NRAP: variants seen among roughly 807,000 people sequenced by gnomAD.
NRAP encodes the protein nebulin related anchoring protein, also known as nebulin-related-anchoring protein.
A neutral mutation model predicts 225.9 loss-of-function variants in NRAP; 189 were observed. The ratio of observed to expected loss-of-function variants is 0.84; its 90% CI spans 0.74 to 0.94. The LOEUF (loss-of-function observed/expected upper bound fraction) is 0.94. NRAP is among the 40% of genes least tolerant of loss of function. The pLI is 0.00. For synonymous variants in NRAP, 769 were observed against 790.7 expected (o/e 0.97, Z 0.46); for missense variants, 2,176 against 2,168.7 (o/e 1.00, Z -0.07).
chr10:113,646,997 C>G lies in NRAP; in HGVS notation c.919G>C (p.Gly307Arg). Residue 307 changes from glycine to arginine, a missense_variant, in exon 10 of 42, where the codon GGA (glycine) becomes CGA (arginine). This residue lies in a region of NRAP where 1,708 missense variants were observed against 1,695.5 expected (regional missense o/e 1.01). Coordinates refer to ENST00000359988, the MANE Select transcript of NRAP (RefSeq NM_198060.4). ...GYPEEYEEHR[G>R]KGSFPAMITP... ...ATCATAGCTGGGAAGCTGCCCTTTCCCCTGTGCTCCTCATACTCCTCCGGG... is the reference window on the plus strand; with the variant it reads ...ATCATAGCTGGGAAGCTGCCCTTTCGCCTGTGCTCCTCATACTCCTCCGGG... 1 of 1,614,010 alleles carries G rather than the reference C, an allele frequency of 6.2e-7. No homozygotes were observed. Among genetic ancestry groups the G allele is most frequent in the Non-Finnish European group, 8.5e-7 (1 of 1,179,906 alleles).
intron 36 of NRAP, 61 bp downstream of exon 36, chr10:113,597,908 C>T (rs1426868193): frequency 3.2e-5 from 39 of 1,207,052 alleles, no homozygotes; most frequent in Non-Finnish European, 4.5e-5. Context: ...AACAGATTCC[C>T]TCTTCAAAAG....
intron 15 of NRAP, 67 bp downstream of exon 15, chr10:113,634,045 T>C: frequency 1.0e-6 from 1 of 960,158 alleles, no homozygotes; most frequent in Non-Finnish European, 1.7e-6. Flanking sequence ...GGAGGTCAGA[T>C]GTCCAGAGGC....
At position 113,608,406 on chromosome 10, in the gene NRAP, G is replaced by T. The variant is rs1847124216; in HGVS notation, c.3702+8C>A. ...AAAGACCATTCCAAAGCCATCAGGA[G>T]ATTTTACCTCATTCGTTATCTGGTT... is the stretch of plus-strand genomic sequence containing the variant. On this transcript the variant is annotated splice_region_variant and intron_variant, in intron 32 of 41. Transcript: ENST00000359988. The T allele has an allele frequency of 1.3e-6, 2 of 1,574,282 alleles. No individual in the cohort carries two copies. Among genetic ancestry groups the T allele is most frequent in the South Asian group, 1.1e-5 (1 of 89,746 alleles).
chr10:113,632,861 T>G (rs1848649258), intron 16 of NRAP, among the ~76,000 whole-genome samples: 2 of 152,212 alleles, frequency 1.3e-5, no homozygotes, highest in Non-Finnish European at 1.5e-5. Context: ...ACACATAGAT[T>G]GTACACATGC....
chr10:113,588,793 G>C lies in NRAP; in HGVS notation c.*182C>G. 1 of 603,018 alleles carries C rather than the reference G, an allele frequency of 1.7e-6. No individual in the cohort carries two copies. The highest frequency in any genetic ancestry group is 2.8e-5 in the East Asian group (1 of 36,146). 37.4% of individuals were successfully genotyped at this position (603,018 alleles called of 1,614,324 possible). ...CAACAGAATCAGCCATCCACGTCTA[G>C]GTATCAGAGAGGACCACAAATACAA... On this transcript the variant is annotated 3_prime_UTR_variant, in exon 42 of 42. Coordinates refer to ENST00000359988, the MANE Select transcript of NRAP (RefSeq NM_198060.4).
rs762303511 is a variant in NRAP at position 113,634,124 on chromosome 10, C to G, written c.1515G>C (p.Gln505His). 75 of 1,612,550 alleles carry G rather than the reference C, an allele frequency of 4.7e-5. No individual in the cohort carries two copies. The South Asian group carries it at 7.3e-4, about 16-fold the overall frequency. ...GACAGTTACTTACATGACTCAGCTG[C>G]TGGGCATTGATTTTGGCTTGAACAA... ...PQIVQAKINA[Q>H]QLSHVNYRAD... is the part of the protein sequence containing the mutation. The change falls in exon 15 of 42, where the codon CAG (glutamine) becomes CAC (histidine). Residue 505 changes from glutamine to histidine, a missense_variant. Coordinates refer to ENST00000359988, the MANE Select transcript of NRAP (RefSeq NM_198060.4).
chr10:113,624,791 G>T, intron 22 of NRAP, 35 bp downstream of exon 22: 1 of 1,485,004 alleles, frequency 6.7e-7, no homozygotes, highest in Non-Finnish European at 9.4e-7. Flanking sequence ...ACAAAGGGGA[G>T]CAGAGTTCTT....
In NRAP at chr10:113,622,171, T is replaced by C; in HGVS notation, c.2467A>G (p.Lys823Glu). The C allele has an allele frequency of 6.2e-7, 1 of 1,610,700 alleles. No homozygotes were observed. The highest frequency in any genetic ancestry group is 8.5e-7 in the Non-Finnish European group (1 of 1,177,010). ...KRDLASEVKY[K>E]EDYERSRGKL... is the part of the protein sequence containing the mutation. ...CCTCTGGATCTCTCATAATCCTCCT[T>C]GTACTTCACCTAAATAAGAGGAATA... The change falls in exon 24 of 42, where the codon AAG becomes GAG. Residue 823 changes from lysine (K) to glutamate (E), a missense_variant. By Grantham distance (56) the Lys-to-Glu change is moderately conservative (BLOSUM62 1). Around this residue, in one of 3 missense-constraint regions of NRAP, gnomAD observed 1,708 missense variants for 1,695.5 expected, o/e 1.01. Transcript: ENST00000359988.
intron 14 of NRAP, among the ~76,000 whole-genome samples, chr10:113,637,949 T>A (rs539355066): frequency 6.6e-6 from 1 of 152,312 alleles, no homozygotes; most frequent in South Asian, 2.1e-4. Context: ...CATTTTGTGC[T>A]TTTTAGTTAA....
rs1427825650 is a variant in NRAP at position 113,624,845 on chromosome 10, T to C, written c.2330A>G (p.Asn777Ser). Reference protein sequence around the residue: ...DEPLFLQARANAANLSEKLYK... With the variant: ...DEPLFLQARASAANLSEKLYK... Reference sequence around the variant, plus strand: ...CTGTACCTCGCTGAGATTTGCAGCATTGGCTCGGGCCTGCAGGAAGAGAGG... The same window carrying C: ...CTGTACCTCGCTGAGATTTGCAGCACTGGCTCGGGCCTGCAGGAAGAGAGG... Residue 777 changes from asparagine to serine, a missense_variant, in exon 22 of 42, where the codon AAT becomes AGT. By Grantham distance (46) the Asn-to-Ser change is conservative. This residue lies in a region of NRAP where 1,708 missense variants were observed against 1,695.5 expected (regional missense o/e 1.01). Transcript: ENST00000359988. 6.2e-7 allele frequency: 1 copy of C among 1,613,950 alleles called. No individual in the cohort carries two copies. The highest frequency in any genetic ancestry group is 8.5e-7 in the Non-Finnish European group (1 of 1,179,804).
intron 18 of NRAP, among the ~76,000 whole-genome samples, chr10:113,630,374 T>C (rs1848513281): frequency 6.6e-6 from 1 of 152,114 alleles, no homozygotes; most frequent in Non-Finnish European, 1.5e-5. Context: ...ATGGTGATGA[T>C]GGCAGCAATG....
At chr10:113,634,379 C>T (rs916037505) in intron 14 of NRAP, among the ~76,000 whole-genome samples, 169 bp from the exon 15 acceptor site, 1 of 152,124 alleles carries the variant, frequency 6.6e-6, no homozygotes, top group Non-Finnish European at 1.5e-5. Flanking sequence ...GATAGAAAAA[C>T]AGTACATTGG....
chr10:113,621,435 T>A (rs995412251), intron 24 of NRAP, among the ~76,000 whole-genome samples: 1 of 151,962 alleles, frequency 6.6e-6, no homozygotes, highest in Admixed American at 6.6e-5. Context: ...AAAGTAGAAC[T>A]GGGAGGGGAG....
At chr10:113,622,204 G>A (rs1214215709) in intron 23 of NRAP, 24 bp from the exon 24 acceptor site, 1 of 1,534,570 alleles carries the variant, frequency 6.5e-7, no homozygotes, top group Non-Finnish European at 9.0e-7. Flanking sequence ...ATAGAGCAGG[G>A]ATACATTAGA....
chr10:113,659,210 A>G (rs1184352133), intron 3 of NRAP, among the ~76,000 whole-genome samples: 2 of 152,206 alleles, frequency 1.3e-5, no homozygotes, highest in Non-Finnish European at 1.5e-5. Context: ...TTACCTACAA[A>G]TAATACTACC....
At chr10:113,595,099 G>C (rs1450261791) in intron 38 of NRAP, among the ~76,000 whole-genome samples, 1 of 152,214 alleles carries the variant, frequency 6.6e-6, no homozygotes, top group African/African-American at 2.4e-5. Context: ...TGCACGCAAA[G>C]GGCACATGTC....
rs143732095 is a variant in NRAP at position 113,620,668 on chromosome 10, C to T, written c.2810G>A (p.Gly937Asp). 3.7e-6 allele frequency: 6 copies of T among 1,613,458 alleles called. No individual in the cohort carries two copies. In the Admixed American group the frequency reaches 1.0e-4, roughly 27 times the overall value. The change falls in exon 25 of 42, where the codon GGC becomes GAC. Residue 937 changes from glycine to aspartate, a missense_variant. By Grantham distance (94) the Gly-to-Asp change is moderately conservative. Coordinates refer to ENST00000359988, the MANE Select transcript of NRAP (RefSeq NM_198060.4). ...ATTTAATGACCCGGTGGCGACCCAG[C>T]CCATGCCTTTCATCCACTTCACATC... Reference protein sequence around the residue: ...RADVKWMKGMGWVATGSLNVE... With the variant: ...RADVKWMKGMDWVATGSLNVE...
chr10:113,653,976 A>T, intron 5 of NRAP, 45 bp downstream of exon 5: 1 of 1,123,602 alleles, frequency 8.9e-7, no homozygotes, highest in Non-Finnish European at 1.4e-6. Context: ...CTAATTGCTA[A>T]GTAATTGCTA....
chr10:113,647,009 C>A lies in NRAP; in HGVS notation c.907G>T (p.Glu303Ter), dbSNP rs1849553084. Residue 303 changes from glutamate (E) to a stop codon, truncating the protein, a stop_gained, in exon 10 of 42, where the codon GAG becomes TAG. Coordinates refer to ENST00000359988, the MANE Select transcript of NRAP (RefSeq NM_198060.4). LOFTEE classifies it high-confidence loss of function. ...AAGCTGCCCTTTCCCCTGTGCTCCT[C>A]ATACTCCTCCGGGTAACCCTGCCGG... ...QYGQGYPEEY[E>*]EHRGKGSFPA... The A allele has an allele frequency of 6.2e-7, 1 of 1,613,656 alleles. No homozygotes were observed.
Sources: gnomAD v4.1 joint callset for allele counts (sites outside exome capture counted in the v4.1 genomes callset) on GRCh38, gnomAD v4.1.1 for gene constraint, gnomAD v4.1.1 regional missense constraint, MANE v1.5 for transcripts, NCBI Gene and HGNC (gene_info 2026-07-23, HGNC 2026-07-21) for gene names.